The following AMPD3 variants were observed in gnomAD, a reference collection of about 807,000 sequenced individuals.
AMPD3 encodes the protein adenosine monophosphate deaminase 3, also known as AMP deaminase 3.
In AMPD3, 57 loss-of-function variants were observed where a neutral mutation model predicts 82.3. That is an observed-to-expected ratio of 0.69 (90% confidence interval 0.56 to 0.86). The LOEUF (loss-of-function observed/expected upper bound fraction) is 0.86, where lower values mean the gene tolerates loss of function less well. Among genes scored for constraint, AMPD3 ranks in the 40% least tolerant of loss-of-function variants. The pLI, the probability that AMPD3 is intolerant of heterozygous loss-of-function variation, is 0.00. For synonymous variants in AMPD3, 381 were observed against 394.7 expected (o/e 0.97, Z 0.41); for missense variants, 870 against 1,003.8 (o/e 0.87, Z 1.80).
intron 8 of AMPD3, 31 bp from the exon 9 acceptor site, chr11:10,495,539 C>T: frequency 6.2e-7 from 1 of 1,612,258 alleles, no homozygotes; most frequent in Non-Finnish European, 8.5e-7. Context: ...CTGGGATGCA[C>T]TGGGGCTGAC....
At chr11:10,497,147 TG>T (rs1482728449) in intron 10 of AMPD3, among the ~76,000 whole-genome samples, 4 of 149,738 alleles carry the variant, frequency 2.7e-5, no homozygotes, top group Non-Finnish European at 4.4e-5. Flanking sequence ...TCAGTGGGTG[TG>T]GGGGGATGGG....
chr11:10,479,214 G>C (rs181781594), intron 3 of AMPD3, among the ~76,000 whole-genome samples: 1 of 152,322 alleles, frequency 6.6e-6, no homozygotes, highest in East Asian at 1.9e-4. Context: ...ATCTTGTTTA[G>C]AAATTGAGCA....
chr11:10,450,925 T>C, upstream of AMPD3: 1 of 1,273,150 alleles, frequency 7.9e-7, no homozygotes, highest in Non-Finnish European at 9.9e-7. Flanking sequence ...GGCCGGGCCC[T>C]GGCCCCGGCT....
At chr11:10,475,338 C>T (rs2133868624) in intron 2 of AMPD3, among the ~76,000 whole-genome samples, 1 of 152,254 alleles carries the variant, frequency 6.6e-6, no homozygotes, top group African/African-American at 2.4e-5. Context: ...AATCACCTCC[C>T]ACCAGCCCCT....
chr11:10,468,977 G>A (rs2133848057), intron 2 of AMPD3, among the ~76,000 whole-genome samples: 1 of 152,240 alleles, frequency 6.6e-6, no homozygotes, highest in South Asian at 2.1e-4. Flanking sequence ...AGAATCTCTG[G>A]GACACATTTA....
At chr11:10,484,365 T>C in intron 4 of AMPD3, 1 of 985,400 alleles carries the variant, frequency 1.0e-6, no homozygotes. Flanking sequence ...TGGCCTGGGC[T>C]CGGGACAGTT....
intron 3 of AMPD3, among the ~76,000 whole-genome samples, chr11:10,479,085 A>G (rs1476516791): frequency 5.9e-5 from 9 of 152,154 alleles, no homozygotes; most frequent in Non-Finnish European, 1.3e-4. Flanking sequence ...TGTTTAGTAG[A>G]TTCAAAGCCA....
chr11:10,477,103 G>C (rs1848763174), intron 2 of AMPD3: 15 of 985,348 alleles, frequency 1.5e-5, no homozygotes, highest in Non-Finnish European at 1.7e-5. Context: ...TGAAAACTCG[G>C]CAGTGAGGAT....
chr11:10,460,800 C>A, intron 1 of AMPD3: 1 of 772,124 alleles, frequency 1.3e-6, no homozygotes, highest in Non-Finnish European at 1.6e-6. Flanking sequence ...TGAAACCCAA[C>A]CAACCAAGCA....
At chr11:10,485,695 T>G (rs1028251189) in intron 5 of AMPD3, among the ~76,000 whole-genome samples, 2 of 152,124 alleles carry the variant, frequency 1.3e-5, no homozygotes, top group Non-Finnish European at 2.9e-5. Context: ...TGAGGAGTGA[T>G]GAAGACATTG....
chr11:10,452,193 T>G (rs1847980221), upstream of AMPD3, among the ~76,000 whole-genome samples: 1 of 151,972 alleles, frequency 6.6e-6, no homozygotes, highest in African/African-American at 2.4e-5. Flanking sequence ...TGTTTTTTTT[T>G]GCCTCTACAC....
rs765752211 is a variant in AMPD3, at chr11:10,482,197, T to A, written c.561T>A (p.Asp187Glu). 9 of 1,612,888 alleles carry A rather than the reference T, an allele frequency of 5.6e-6. No individual in the cohort carries two copies. Among genetic ancestry groups the A allele is most frequent in the Non-Finnish European group, 7.6e-6 (9 of 1,179,766 alleles). ...TSQYLGHPRA[D>E]TAPPEEGLPD... is the part of the protein sequence containing the mutation. ...AGTACCTGGGTCATCCGCGGGCGGA[T>A]ACTGCACCTCCGGAAGAGGGCCTTC... Residue 187 changes from aspartate (D) to glutamate (E), a missense_variant, in exon 4 of 15, where the codon GAT becomes GAA. Transcript: ENST00000396553.
chr11:10,501,166 G>A (rs72859121), intron 11 of AMPD3: 24,648 of 985,386 alleles, frequency 0.025, 337 homozygotes, highest in Middle Eastern at 0.04. Context: ...CTGCTCTGGA[G>A]TTCTACGAAT....
chr11:10,454,695 C>T (rs538486837), upstream of AMPD3, among the ~76,000 whole-genome samples: 4 of 152,142 alleles, frequency 2.6e-5, no homozygotes, highest in Non-Finnish European at 4.4e-5. Context: ...ATTCCCTGAA[C>T]GTGTCGGACT....
At chr11:10,490,149 G>T (rs1186203784) in intron 6 of AMPD3, among the ~76,000 whole-genome samples, 1 of 152,214 alleles carries the variant, frequency 6.6e-6, no homozygotes, top group Non-Finnish European at 1.5e-5. Flanking sequence ...ATCTGTGTGG[G>T]TGGTATCTGT....
chr11:10,478,791 C>A, intron 3 of AMPD3, 61 bp downstream of exon 3: 1 of 1,561,992 alleles, frequency 6.4e-7, no homozygotes, highest in South Asian at 1.1e-5. Flanking sequence ...GCCCCATGGG[C>A]CACAGGGTCG....
At chr11:10,484,750 C>G in intron 4 of AMPD3, 70 bp from the exon 5 acceptor site, 2 of 1,565,858 alleles carry the variant, frequency 1.3e-6, no homozygotes, top group East Asian at 2.2e-5. Flanking sequence ...CGCAGGCCTC[C>G]GTGTCTTTTG....
At chr11:10,486,599 A>G (rs1849077085) in intron 5 of AMPD3, 1 of 985,250 alleles carries the variant, frequency 1.0e-6, no homozygotes, top group African/African-American at 1.7e-5. Context: ...TACAGTCCCA[A>G]TCCACCCATG....
At chr11:10,488,282 G>C (rs764789996) in intron 6 of AMPD3, 234 of 985,332 alleles carry the variant, frequency 2.4e-4, no homozygotes, top group Admixed American at 3.1e-4. Flanking sequence ...TGCTAGGCAG[G>C]GGGTGTTTGA....
Sources: gnomAD v4.1 joint callset for allele counts (sites outside exome capture counted in the v4.1 genomes callset) on GRCh38, gnomAD v4.1.1 for gene constraint, MANE v1.5 for transcripts, NCBI Gene and HGNC (gene_info 2026-07-23, HGNC 2026-07-21) for gene names.